The following CACNG3 variants were observed in gnomAD, a reference collection of about 807,000 sequenced individuals.
CACNG3 encodes voltage-dependent calcium channel gamma-3 subunit.
CACNG3 carries 3 observed loss-of-function variants against 28.5 expected under a neutral mutation model. The observed-to-expected ratio is 0.11, with a 90% confidence interval of 0.05 to 0.27. CACNG3 has a LOEUF of 0.27. Ranked by LOEUF, CACNG3 falls within the 10% of genes least tolerant of loss-of-function variation. The pLI, the probability that CACNG3 is intolerant of heterozygous loss-of-function variation, is 1.00. For missense variants in CACNG3, 236 were observed against 414.4 expected (o/e 0.57, Z 3.74); for synonymous variants, 174 against 162.2 (o/e 1.07, Z -0.55).
intron 2 of CACNG3, among the ~76,000 whole-genome samples, chr16:24,349,202 T>C (rs1459627898): frequency 6.6e-6 from 1 of 152,072 alleles, no homozygotes; most frequent in Non-Finnish European, 1.5e-5. Flanking sequence ...GGATTCTGCA[T>C]ATCGACTTTT....
chr16:24,346,783 T>C lies in CACNG3; in HGVS notation c.261T>C (p.Ala87=). 6.2e-7 allele frequency: 1 copy of C among 1,614,178 alleles called. No individual in the cohort carries two copies. Among genetic ancestry groups the C allele is most frequent in the Non-Finnish European group, 8.5e-7 (1 of 1,180,008 alleles). Residue 87 remains alanine (A), a synonymous_variant, in exon 2 of 4, where the codon GCT becomes GCC. Transcript: ENST00000005284. ...CKKIDHFPED[A]DYEQDTAEYL... is the part of the protein sequence containing the mutation. ...AAATCGATCACTTCCCTGAAGATGC[T>C]GACTACGAACAGGACACAGCCGAAT...
At chr16:24,285,300 A>G (rs969746514) in intron 1 of CACNG3, among the ~76,000 whole-genome samples, 1 of 152,182 alleles carries the variant, frequency 6.6e-6, no homozygotes, top group African/African-American at 2.4e-5. Flanking sequence ...AATAATTGCA[A>G]ACACAGATTG....
chr16:24,348,449 G>A (rs958186805), intron 2 of CACNG3, among the ~76,000 whole-genome samples: 1 of 152,118 alleles, frequency 6.6e-6, no homozygotes, highest in African/African-American at 2.4e-5. Flanking sequence ...GTCAGATGCA[G>A]CATTATTAGG....
intron 3 of CACNG3, among the ~76,000 whole-genome samples, chr16:24,359,789 G>A (rs1166178892): frequency 6.6e-6 from 1 of 152,162 alleles, no homozygotes; most frequent in Non-Finnish European, 1.5e-5. Flanking sequence ...CTTTAGCCCA[G>A]GAGGTTGAGG....
At chr16:24,325,322 C>T (rs917372370) in intron 1 of CACNG3, among the ~76,000 whole-genome samples, 7 of 152,108 alleles carry the variant, frequency 4.6e-5, no homozygotes, top group African/African-American at 1.4e-4. Context: ...TTCCCTGGGA[C>T]AAAAGAAACA....
chr16:24,304,156 T>G (rs561425403), intron 1 of CACNG3, among the ~76,000 whole-genome samples: 35 of 152,300 alleles, frequency 2.3e-4, no homozygotes, highest in Non-Finnish European at 4.3e-4. Flanking sequence ...CAAGAATATG[T>G]GGCGGGCTAG....
chr16:24,258,759 G>T (rs993472779), intron 1 of CACNG3, among the ~76,000 whole-genome samples: 4 of 152,162 alleles, frequency 2.6e-5, no homozygotes, highest in African/African-American at 9.7e-5. Context: ...AAGTTCTAAG[G>T]TTCCTCCAAG....
At position 24,329,468 on chromosome 16, in the gene CACNG3, T is replaced by C. The variant is rs72781855; in HGVS notation, c.212-17266T>C. ...TAACGTTTCACAAAATGTCAAAAAG[T>C]GTGGCTCTTTATACAGACAGTTAAA... On this transcript the variant is annotated intron_variant, in intron 1 of 3. Coordinates refer to ENST00000005284, the MANE Select transcript of CACNG3 (RefSeq NM_006539.4). Among the ~76,000 whole-genome samples, 561 of 152,264 alleles carry C rather than the reference T, an allele frequency of 3.7e-3. 5 individuals are homozygous for C. Among genetic ancestry groups the C allele is most frequent in the Non-Finnish European group, 5.6e-3 (381 of 68,022 alleles).
chr16:24,334,098 A>C (rs1438291825), intron 1 of CACNG3, among the ~76,000 whole-genome samples: 1 of 152,238 alleles, frequency 6.6e-6, no homozygotes, highest in African/African-American at 2.4e-5. Flanking sequence ...CAGGAAGCAT[A>C]AACACAAATG....
Position 24,361,919 on chromosome 16 carries a change from G to C in CACNG3, c.*56G>C, listed in dbSNP as rs1442046761. The C allele has an allele frequency of 6.7e-7, 1 of 1,501,192 alleles. No homozygotes were observed. The highest frequency in any genetic ancestry group is 2.3e-5 in the East Asian group (1 of 44,108). 93.0% of individuals were successfully genotyped at this position (1,501,192 alleles called of 1,614,324 possible). A position where few individuals can be genotyped will look rare whatever the true frequency, so the allele number is the denominator to read the frequency against. On this transcript the variant is annotated 3_prime_UTR_variant, in exon 4 of 4. Transcript: ENST00000005284. The surrounding 1 kb of genome is among the most constrained non-coding windows in gnomAD (Gnocchi z 6.8). ...CACAGCCTTGGGGGAAGTGTACAGA[G>C]ATGTCTCTGAGGTTGCATGGCATGG... is the stretch of plus-strand genomic sequence containing the variant.
intron 1 of CACNG3, among the ~76,000 whole-genome samples, chr16:24,293,381 A>G (rs1596630866): frequency 6.6e-6 from 1 of 152,020 alleles, no homozygotes. Context: ...TTGCCCCTCT[A>G]CTTGACAGCC....
At chr16:24,288,273 G>A (rs1240026535) in intron 1 of CACNG3, among the ~76,000 whole-genome samples, 1 of 152,098 alleles carries the variant, frequency 6.6e-6, no homozygotes, top group East Asian at 1.9e-4. Context: ...TCTATGAGTG[G>A]CACTATGCTA....
chr16:24,317,539 C>CCA (rs748761741), intron 1 of CACNG3, among the ~76,000 whole-genome samples: 7 of 47,044 alleles, frequency 1.5e-4, no homozygotes, highest in East Asian at 7.8e-4. Flanking sequence ...GATTCTGTCT[C>CCA]AAAAAAAAAA....
At chr16:24,298,863 G>A (rs1899068345) in intron 1 of CACNG3, among the ~76,000 whole-genome samples, 1 of 152,140 alleles carries the variant, frequency 6.6e-6, no homozygotes, top group African/African-American at 2.4e-5. Flanking sequence ...TTTGCCTTGG[G>A]CTGTTTTGCT....
At chr16:24,269,618 G>T (rs1484687400) in intron 1 of CACNG3, among the ~76,000 whole-genome samples, 1 of 151,868 alleles carries the variant, frequency 6.6e-6, no homozygotes, top group African/African-American at 2.4e-5. Context: ...GTGGTGGTGG[G>T]CACCTGTAAT....
chr16:24,265,815 A>G (rs1420043187), intron 1 of CACNG3, among the ~76,000 whole-genome samples: 1 of 152,226 alleles, frequency 6.6e-6, no homozygotes, highest in African/African-American at 2.4e-5. Context: ...TTATATTTCT[A>G]TATAATATCC....
At chr16:24,315,799 C>T (rs1169833346) in intron 1 of CACNG3, among the ~76,000 whole-genome samples, 1 of 152,060 alleles carries the variant, frequency 6.6e-6, no homozygotes, top group Non-Finnish European at 1.5e-5. Context: ...GCTGGGATTA[C>T]AGGCATCCAC....
chr16:24,256,660 G>A lies in CACNG3; in HGVS notation c.-95G>A, dbSNP rs542929447. Reference sequence around the variant, plus strand: ...AAAGGAGACCTGAATTTTTGGAAGAGCCTGTACTAGGTTACCCGGCTGCAG... The same window carrying A: ...AAAGGAGACCTGAATTTTTGGAAGAACCTGTACTAGGTTACCCGGCTGCAG... On this transcript the variant is annotated 5_prime_UTR_variant, in exon 1 of 4. Coordinates refer to ENST00000005284, the MANE Select transcript of CACNG3 (RefSeq NM_006539.4). The surrounding 1 kb of genome is among the most constrained non-coding windows in gnomAD (Gnocchi z 4.6). 2.3e-4 allele frequency: 187 copies of A among 815,636 alleles called. No homozygotes were observed. The South Asian group carries it at 2.5e-3, about 11-fold the overall frequency. The allele number at this position is 815,636 out of a possible 1,614,324, so 50.5% of individuals were successfully genotyped here.
chr16:24,295,619 G>A (rs554489027), intron 1 of CACNG3, among the ~76,000 whole-genome samples: 2 of 152,224 alleles, frequency 1.3e-5, no homozygotes, highest in Admixed American at 6.5e-5. Flanking sequence ...GACTGAGGAA[G>A]GAAGATTACT....
Sources: allele counts gnomAD v4.1 joint callset (sites outside exome capture counted in the v4.1 genomes callset), GRCh38; gene constraint gnomAD v4.1.1; non-coding constraint Gnocchi (gnomAD v3.1); transcripts MANE v1.5; gene names NCBI Gene and HGNC (gene_info 2026-07-23, HGNC 2026-07-21).